Variants in MAF observed in about 807,000 individuals in gnomAD.
MAF encodes transcription factor Maf.
A neutral mutation model predicts 22.0 loss-of-function variants in MAF; 10 were observed. The observed-to-expected ratio is 0.45, with a 90% confidence interval of 0.28 to 0.77. The LOEUF (loss-of-function observed/expected upper bound fraction) is 0.77. Among genes scored for constraint, MAF ranks in the 30% least tolerant of loss-of-function variants. The pLI is 0.12. For missense variants in MAF, 544 were observed against 548.4 expected (o/e 0.99, Z 0.08); for synonymous variants, 337 against 255.8 (o/e 1.32, Z -3.03).
At chr16:79,592,340 G>A (rs572885677), downstream of MAF, among the ~76,000 whole-genome samples, 9 of 152,208 alleles carry the variant, frequency 5.9e-5, no homozygotes, top group East Asian at 1.3e-3. Context: ...CCCTACCCCC[G>A]CTAGGGAAAA....
chr16:79,343,864 T>C, the MAF span, among the ~76,000 whole-genome samples: 7 of 152,224 alleles, frequency 4.6e-5, no homozygotes, highest in Non-Finnish European at 1.0e-4. Context: ...TGTTTTTTCT[T>C]GATAGACAAC....
At chr16:79,427,539 T>C in the MAF span, among the ~76,000 whole-genome samples, 6 of 152,206 alleles carry the variant, frequency 3.9e-5, no homozygotes, top group African/African-American at 1.4e-4. Context: ...CTGGCGTGCA[T>C]TGGCAGCTGG....
chr16:79,433,275 A>ATAT, the MAF span, among the ~76,000 whole-genome samples: 1 of 138,790 alleles, frequency 7.2e-6, no homozygotes, highest in Non-Finnish European at 1.6e-5. Context: ...AGTAAAAAAA[A>ATAT]AAATATATAT....
chr16:79,243,183 CAAGA>C, the MAF span, among the ~76,000 whole-genome samples: 1 of 151,620 alleles, frequency 6.6e-6, no homozygotes, highest in Admixed American at 6.6e-5. Context: ...TAGCAGAAAA[CAAGA>C]AATAACTAAG....
At chr16:79,445,192 C>T in the MAF span, among the ~76,000 whole-genome samples, 1 of 138,332 alleles carries the variant, frequency 7.2e-6, no homozygotes, top group Non-Finnish European at 1.6e-5. Flanking sequence ...TGCCACCATA[C>T]CCGTCTAATT....
the MAF span, among the ~76,000 whole-genome samples, chr16:79,216,197 C>T: frequency 6.6e-6 from 1 of 151,850 alleles, no homozygotes; most frequent in African/African-American, 2.4e-5. Context: ...ATGTCGTGCA[C>T]ATCTGTATAT....
chr16:79,305,758 A>C, the MAF span, among the ~76,000 whole-genome samples: 1 of 152,314 alleles, frequency 6.6e-6, no homozygotes, highest in Non-Finnish European at 1.5e-5. Flanking sequence ...GAATTTACTG[A>C]AAGGTCAATG....
the MAF span, among the ~76,000 whole-genome samples, chr16:79,217,134 T>C: frequency 7.1e-4 from 108 of 152,330 alleles, 1 homozygote; most frequent in Non-Finnish European, 9.3e-4. Flanking sequence ...TAATTTCAGA[T>C]GCTATTTACT....
chr16:79,388,319 A>G, the MAF span, among the ~76,000 whole-genome samples: 2 of 152,238 alleles, frequency 1.3e-5, no homozygotes, highest in Admixed American at 1.3e-4. Context: ...GATTTCTACA[A>G]TATAGTAAAA....
the MAF span, among the ~76,000 whole-genome samples, chr16:79,356,454 A>G: frequency 6.6e-6 from 1 of 152,084 alleles, no homozygotes. Context: ...CCAGCCTAAT[A>G]TCAAGCATGC....
At chr16:79,472,788 C>T in the MAF span, among the ~76,000 whole-genome samples, 6 of 151,182 alleles carry the variant, frequency 4.0e-5, no homozygotes, top group East Asian at 1.9e-4. Flanking sequence ...ATAAATTGTA[C>T]GTCAATAATG....
the MAF span, among the ~76,000 whole-genome samples, chr16:79,328,740 A>G: frequency 6.6e-6 from 1 of 152,184 alleles, no homozygotes. Flanking sequence ...TGGAAGTAAC[A>G]TTCTCCAACC....
At chr16:79,393,404 G>A in the MAF span, among the ~76,000 whole-genome samples, 2 of 152,218 alleles carry the variant, frequency 1.3e-5, no homozygotes, top group African/African-American at 4.8e-5. Flanking sequence ...AGTTTGCAGA[G>A]GTTGGGCTAT....
the MAF span, among the ~76,000 whole-genome samples, chr16:79,448,651 T>C: frequency 6.6e-6 from 1 of 151,838 alleles, no homozygotes; most frequent in South Asian, 2.1e-4. Flanking sequence ...GGTCTCAAGC[T>C]CCAGACCTTG....
chr16:79,469,494 C>T, the MAF span, among the ~76,000 whole-genome samples: 1 of 152,158 alleles, frequency 6.6e-6, no homozygotes, highest in Non-Finnish European at 1.5e-5. Flanking sequence ...TTGTCTACTT[C>T]ATTGAACAGT....
chr16:79,467,114 G>T, the MAF span, among the ~76,000 whole-genome samples: 1 of 151,974 alleles, frequency 6.6e-6, no homozygotes, highest in African/African-American at 2.4e-5. Context: ...CTTTCCATTG[G>T]GCCCAGGATG....
the MAF span, among the ~76,000 whole-genome samples, chr16:79,545,332 A>G: frequency 6.6e-6 from 1 of 152,162 alleles, no homozygotes. Context: ...AGAACTGGAC[A>G]TGCTGCAGAA....
At chr16:79,322,812 A>C in the MAF span, among the ~76,000 whole-genome samples, 1 of 152,064 alleles carries the variant, frequency 6.6e-6, no homozygotes, top group East Asian at 1.9e-4. Flanking sequence ...TAGTCAGCTC[A>C]CCGGACCCCA....
Position 79,600,142 on chromosome 16 carries a change from G to C in MAF, c.-240C>G, listed in dbSNP as rs1375866384. ...CCTGCTCACGCCAATGTGCTCCCTC[G>C]CTCGCCCCGGCCCCTCCTTGCTCGC... On this transcript the variant is annotated 5_prime_UTR_variant, in exon 1 of 2. Coordinates refer to ENST00000326043, the MANE Select transcript of MAF (RefSeq NM_005360.5). 1 of 462,926 alleles carries C rather than the reference G, an allele frequency of 2.2e-6. No individual in the cohort carries two copies. The highest frequency in any genetic ancestry group is 3.7e-6 in the Non-Finnish European group (1 of 268,800). The allele number at this position is 462,926 out of a possible 1,614,324, so 28.7% of individuals were successfully genotyped here. A position where few individuals can be genotyped will look rare whatever the true frequency, so the allele number is the denominator to read the frequency against.
Sources: gnomAD v4.1 joint callset for allele counts (sites outside exome capture counted in the v4.1 genomes callset) on GRCh38, gnomAD v4.1.1 for gene constraint, MANE v1.5 for transcripts, NCBI Gene and HGNC (gene_info 2026-07-23, HGNC 2026-07-21) for gene names.